The following INTS11 variants were observed in gnomAD, a reference collection of about 807,000 sequenced individuals.
INTS11 encodes integrator complex subunit 11.
Under a neutral mutation model 78.6 loss-of-function variants are expected in INTS11, and 77 were observed. That is an observed-to-expected ratio of 0.98 (90% CI 0.81 to 1.18). INTS11 has a LOEUF of 1.18. INTS11 is among the 50% of genes most tolerant of loss of function. The probability of loss-of-function intolerance (pLI) is 0.00; values close to 1 mark genes in which losing one functional copy is unlikely to be tolerated. For synonymous variants in INTS11, 441 were observed against 326.9 expected (o/e 1.35, Z -3.77); for missense variants, 875 against 825.9 (o/e 1.06, Z -0.73).
chr1:1,320,601 G>A lies in INTS11; in HGVS notation c.127-72C>T, dbSNP rs748549781. The A allele has an allele frequency of 6.7e-6, 10 of 1,501,240 alleles. No individual in the cohort carries two copies. The African/African-American group carries it at 1.2e-4, about 19-fold the overall frequency. The allele number at this position is 1,501,240 out of a possible 1,614,324, so 93.0% of individuals were successfully genotyped here. A position where few individuals can be genotyped will look rare whatever the true frequency, so the allele number is the denominator to read the frequency against. The stretch of plus-strand genomic sequence containing the variant: ...GCATCTGGGGCCACCCATGCCCCAG[G>A]GAGGGGCCCCCAGGAAGGGGGGTTC... On this transcript the variant is annotated intron_variant, in intron 2 of 16. Coordinates refer to ENST00000435064, the MANE Select transcript of INTS11 (RefSeq NM_017871.6).
intron 1 of INTS11, chr1:1,321,908 C>CCCCA: frequency 7.5e-7 from 1 of 1,331,388 alleles, no homozygotes; most frequent in Non-Finnish European, 9.7e-7. Flanking sequence ...TCCCACCCAC[C>CCCCA]TCCCCCTGCC....
chr1:1,319,122 C>G (rs776450237), intron 4 of INTS11, 174 bp downstream of exon 4: 3 of 785,842 alleles, frequency 3.8e-6, no homozygotes, highest in Admixed American at 1.8e-5. Context: ...GGTCTGGGAC[C>G]CGCATCCTCG....
chr1:1,312,955 G>A lies in INTS11; in HGVS notation c.1132-6C>T, dbSNP rs377508115. The A allele has an allele frequency of 9.9e-6, 16 of 1,611,552 alleles. No homozygotes were observed. The highest frequency in any genetic ancestry group is 2.2e-5 in the East Asian group (1 of 44,864). On this transcript the variant is annotated splice_region_variant and splice_polypyrimidine_tract_variant and intron_variant, in intron 11 of 16. Coordinates refer to ENST00000435064, the MANE Select transcript of INTS11 (RefSeq NM_017871.6). ...ACCTGCATCTTGACCTCCAGCTACA[G>A]AGGCCACGGGGCGTGGACAGTGGTT...
chr1:1,315,330 G>A (rs893026625), intron 6 of INTS11, 74 bp downstream of exon 6: 17 of 1,572,540 alleles, frequency 1.1e-5, no homozygotes, highest in Non-Finnish European at 1.4e-5. Flanking sequence ...CTCAAGGGCT[G>A]GCACCCTGAC....
chr1:1,317,430 T>G, intron 4 of INTS11: 1 of 956,232 alleles, frequency 1.0e-6, no homozygotes, highest in Non-Finnish European at 1.2e-6. Flanking sequence ...ATTCAACAGA[T>G]GAATTTAACA....
Position 1,314,988 on chromosome 1 carries a change from G to A in INTS11, c.564-26C>T. 6.2e-7 allele frequency: 1 copy of A among 1,609,824 alleles called. No homozygotes were observed. Among genetic ancestry groups the A allele is most frequent in the Non-Finnish European group, 8.5e-7 (1 of 1,177,520 alleles). On this transcript the variant is annotated intron_variant, in intron 6 of 16. Coordinates refer to ENST00000435064, the MANE Select transcript of INTS11 (RefSeq NM_017871.6). The surrounding 1 kb of genome is among the most constrained non-coding windows in gnomAD (Gnocchi z 4.2). ...CTGGAACACGGGGGTGGGGGTGTGA[G>A]CCACGATGCACTGTCCCCACGGTTG...
At position 1,311,679 on chromosome 1, in the gene INTS11, A is replaced by G. The variant is rs1642169187; in HGVS notation, c.*180T>C. ...GGAATAAAGGCAAGACAGCCTGGAG[A>G]CCAGTTTGTTTCTTCAGCTGCAAAC... On this transcript the variant is annotated 3_prime_UTR_variant, in exon 17 of 17. Coordinates refer to ENST00000435064, the MANE Select transcript of INTS11 (RefSeq NM_017871.6). 1 of 722,616 alleles carries G rather than the reference A, an allele frequency of 1.4e-6. No individual in the cohort carries two copies. Among genetic ancestry groups the G allele is most frequent in the Non-Finnish European group, 2.4e-6 (1 of 413,388 alleles). 44.8% of individuals were successfully genotyped at this position (722,616 alleles called of 1,614,324 possible).
chr1:1,322,616 C>T (rs1386230067), intron 1 of INTS11, among the ~76,000 whole-genome samples: 5 of 104,982 alleles, frequency 4.8e-5, no homozygotes, highest in Admixed American at 9.7e-5. Context: ...AGAAGCGGGG[C>T]GGGCGGAGGG....
At chr1:1,323,862 G>C (rs924777957) in intron 1 of INTS11, among the ~76,000 whole-genome samples, 2 of 79,042 alleles carry the variant, frequency 2.5e-5, no homozygotes, top group African/African-American at 1.1e-4. Context: ...TGAGGAGGCA[G>C]AAGCGGGGCT....
At position 1,312,790 on chromosome 1, in the gene INTS11, G is replaced by A. The variant is rs1262732757; in HGVS notation, c.1291C>T (p.Leu431Phe). ...CGCCGCCCGCCCGGCTGCCTACGGA[G>A]CTCCTGCTCGATCTTCTGCTTCAGG... Reference protein sequence around the residue: ...EFLKQKIEQELRVNCYMPANG... With the variant: ...EFLKQKIEQEFRVNCYMPANG... The change falls in exon 12 of 17, where the codon CTC (leucine) becomes TTC (phenylalanine). Residue 431 changes from leucine (L) to phenylalanine (F), a missense_variant. Transcript: ENST00000435064. The A allele has an allele frequency of 1.2e-6, 2 of 1,607,324 alleles. No homozygotes were observed. The highest frequency in any genetic ancestry group is 1.3e-5 in the African/African-American group (1 of 74,998).
chr1:1,319,262 G>C (rs750369645), intron 4 of INTS11, 34 bp downstream of exon 4: 1 of 1,552,628 alleles, frequency 6.4e-7, no homozygotes. Flanking sequence ...GGGGTGGGCA[G>C]TGACTGTGCC....
In INTS11 at chr1:1,313,750, A is replaced by C; in HGVS notation, c.939T>G (p.Ala313=). 6.2e-7 allele frequency: 1 copy of C among 1,613,068 alleles called. No individual in the cohort carries two copies. ...GCCTCACCATCGGTCCTGGGTTGTC[A>C]GCAAAAGCCCGGTCGAAGGCCTTGA... ...KHIKAFDRAF[A]DNPGPMVVFA... Residue 313 remains alanine, a synonymous_variant, in exon 9 of 17, where the codon GCT becomes GCG. Coordinates refer to ENST00000435064, the MANE Select transcript of INTS11 (RefSeq NM_017871.6).
Position 1,312,323 on chromosome 1 carries a change from G to A in INTS11, c.1510C>T (p.Leu504=), listed in dbSNP as rs887117870. ...GTGAAGCGCAGCTGGTGCTCAGCCA[G>A]ACCCAGCTCTTTGAGGGCTTGCTCT... ...SSEQALKELG[L]AEHQLRFTCR... Residue 504 remains leucine (L), a synonymous_variant, in exon 15 of 17, where the codon CTG becomes TTG. Transcript: ENST00000435064. 5.7e-5 allele frequency: 89 copies of A among 1,554,808 alleles called. No homozygotes were observed. The highest frequency in any genetic ancestry group is 7.0e-5 in the Non-Finnish European group (80 of 1,149,358).
Position 1,312,904 on chromosome 1 carries a change from CG to C in INTS11, c.1176del (p.His392GlnfsTer32). 1.2e-6 allele frequency: 2 copies of C among 1,612,518 alleles called. No homozygotes were observed. The highest frequency in any genetic ancestry group is 1.7e-6 in the Non-Finnish European group (2 of 1,179,802). On this transcript the variant is annotated frameshift_variant, in exon 12 of 17. Coordinates refer to ENST00000435064, the MANE Select transcript of INTS11 (RefSeq NM_017871.6). LOFTEE classifies it high-confidence loss of function. ...AGCTGCATGATGCCCTTGGCGTCCG[CG>C]TGTGCGCTGAATGACATGTACTCCA... ...MQVEYMSFSAHADAKGIMQLV... is the reference protein window; with the variant it reads ...MQVEYMSFSAXADAKGIMQLV...
intron 1 of INTS11, chr1:1,322,684 G>A (rs1202336592): frequency 7.8e-6 from 1 of 128,418 alleles, no homozygotes; most frequent in Non-Finnish European, 1.6e-5. Context: ...CAGGGGGAGG[G>A]ACGGGCAGGG....
chr1:1,313,527 G>A lies in INTS11; in HGVS notation c.1023C>T (p.Ala341=), dbSNP rs575917311. ...GQSLQIFRKW[A]GNEKNMVIMP... ...CCCTCACCATGTTCTTTTCGTTTCC[G>A]GCCCATTTCCGGAAGATCTGCAGGG... Residue 341 remains alanine, a synonymous_variant, in exon 10 of 17, where the codon GCC becomes GCT. Coordinates refer to ENST00000435064, the MANE Select transcript of INTS11 (RefSeq NM_017871.6). The A allele has an allele frequency of 9.1e-4, 1,466 of 1,612,974 alleles. 23 individuals are homozygous for A. The South Asian group carries it at 0.011, about 12-fold the overall frequency.
intron 4 of INTS11, chr1:1,318,914 A>T (rs1344288722): frequency 7.0e-6 from 5 of 713,590 alleles, no homozygotes; most frequent in Admixed American, 4.0e-5. Context: ...GAGCTGGCCC[A>T]TCTCCCCTCC....
At position 1,313,137 on chromosome 1, in the gene INTS11, A is replaced by C; in HGVS notation, c.1042-13T>G. 6.2e-7 allele frequency: 1 copy of C among 1,600,812 alleles called. No individual in the cohort carries two copies. Among genetic ancestry groups the C allele is most frequent in the Non-Finnish European group, 8.5e-7 (1 of 1,177,462 alleles). ...CGGGCATGATGACCTGGGGGCAGGCACAGAGCTCACAGCCAGGGAACTCCA... is the reference window on the plus strand; with the variant it reads ...CGGGCATGATGACCTGGGGGCAGGCCCAGAGCTCACAGCCAGGGAACTCCA... On this transcript the variant is annotated splice_polypyrimidine_tract_variant and intron_variant, in intron 10 of 16. Transcript: ENST00000435064.
In INTS11 at chr1:1,324,646, G is replaced by C. The variant is rs767007103; in HGVS notation, c.-38C>G. ...GCTCCCGGACCCGCGAGGCCCGCCT[G>C]CGGTGATGCACTGCGCAGGCGCAAC... On this transcript the variant is annotated 5_prime_UTR_variant, in exon 1 of 17. Transcript: ENST00000435064. 8.8e-6 allele frequency: 14 copies of C among 1,597,672 alleles called. No individual in the cohort carries two copies. Among genetic ancestry groups the C allele is most frequent in the African/African-American group, 1.4e-5 (1 of 72,414 alleles).
Sources: allele counts gnomAD v4.1 joint callset (sites outside exome capture counted in the v4.1 genomes callset), GRCh38; gene constraint gnomAD v4.1.1; non-coding constraint Gnocchi (gnomAD v3.1); transcripts MANE v1.5; gene names NCBI Gene and HGNC (gene_info 2026-07-23, HGNC 2026-07-21).